SACM1L: variants seen among roughly 807,000 people sequenced by gnomAD.
SACM1L encodes SAC1 like phosphatidylinositide phosphatase, also known as phosphatidylinositol-3-phosphatase SAC1.
Under a neutral mutation model 89.5 loss-of-function variants are expected in SACM1L, and 32 were observed. The observed-to-expected ratio is 0.36, with a 90% CI of 0.27 to 0.48. The LOEUF is 0.48. Ranked by LOEUF, SACM1L falls within the 20% of genes least tolerant of loss-of-function variation. The pLI, the probability that SACM1L is intolerant of heterozygous loss-of-function variation, is 0.99. For missense variants in SACM1L, 543 were observed against 708.5 expected, an observed-to-expected ratio of 0.77 and a Z score of 2.65; for synonymous variants, 213 against 232.8, an observed-to-expected ratio of 0.92 and a Z score of 0.77.
chr3:45,706,104 T>C (rs1172734190), intron 3 of SACM1L, among the ~76,000 whole-genome samples: 1 of 152,194 alleles, frequency 6.6e-6, no homozygotes, highest in Non-Finnish European at 1.5e-5. Context: ...GAGAGACATG[T>C]ACATGGCAAA....
intron 7 of SACM1L, among the ~76,000 whole-genome samples, chr3:45,715,808 G>T (rs1311891765): frequency 6.6e-6 from 1 of 150,434 alleles, no homozygotes; most frequent in Non-Finnish European, 1.5e-5. Flanking sequence ...CTTATTTAGT[G>T]CCTTAAATGA....
chr3:45,699,468 A>AAATTAT (rs1698212226), intron 1 of SACM1L, among the ~76,000 whole-genome samples: 2 of 150,302 alleles, frequency 1.3e-5, no homozygotes, highest in Non-Finnish European at 3.0e-5. Flanking sequence ...TAAATTTTAT[A>AAATTAT]AAATTATAAA....
chr3:45,718,294 TAAA>T lies in SACM1L; in HGVS notation c.578-1194_578-1192del, dbSNP rs5848764. Among the ~76,000 whole-genome samples the T allele has an allele frequency of 8.1e-3, 1,201 of 148,262 alleles. 10 individuals carry two copies. Among genetic ancestry groups the T allele is most frequent in the African/African-American group, 0.021 (866 of 40,458 alleles). On this transcript the variant is annotated intron_variant, in intron 7 of 19. Transcript: ENST00000389061. ...ACATACAGATTAATTCCTGTTATGT[TAAA>T]AAAAAAAAAAAGTCAAAAGCTGTTC...
chr3:45,695,728 A>G (rs1698106173), intron 1 of SACM1L, among the ~76,000 whole-genome samples: 1 of 152,228 alleles, frequency 6.6e-6, no homozygotes, highest in African/African-American at 2.4e-5. Flanking sequence ...TTCAGGGGCA[A>G]TAAGCACATT....
intron 16 of SACM1L, 32 bp from the exon 17 acceptor site, chr3:45,738,546 C>T: frequency 3.7e-6 from 5 of 1,337,534 alleles, no homozygotes; most frequent in Middle Eastern, 2.2e-4. Context: ...AGTGTACAAA[C>T]CTGTAACTTA....
intron 7 of SACM1L, among the ~76,000 whole-genome samples, chr3:45,715,845 T>G (rs1391463388): frequency 6.6e-6 from 1 of 152,108 alleles, no homozygotes; most frequent in East Asian, 1.9e-4. Flanking sequence ...TGTTTTTTGT[T>G]TTTTGTTTTT....
chr3:45,690,664 G>T (rs1267122000), intron 1 of SACM1L, among the ~76,000 whole-genome samples: 2 of 152,184 alleles, frequency 1.3e-5, no homozygotes, highest in African/African-American at 4.8e-5. Flanking sequence ...CCCCCTGTGG[G>T]TGCCATTTCT....
At chr3:45,699,639 T>C (rs1698220045) in intron 1 of SACM1L, among the ~76,000 whole-genome samples, 1 of 152,166 alleles carries the variant, frequency 6.6e-6, no homozygotes, top group African/African-American at 2.4e-5. Flanking sequence ...GCAATTCTCC[T>C]GCCTTAGCCT....
rs1464166646 is a variant in SACM1L at position 45,744,899 on chromosome 3, A to G, written c.*1230A>G. ...ATATTTCAGTGTTGTGCTTGAAAAT[A>G]TGTACAGTTTTTTTCCAATATTAAT... On this transcript the variant is annotated 3_prime_UTR_variant, in exon 20 of 20. Transcript: ENST00000389061. 6.6e-6 allele frequency: 1 copy of G among 152,442 alleles called. No individual in the cohort carries two copies. Among genetic ancestry groups the G allele is most frequent in the Non-Finnish European group, 1.5e-5 (1 of 68,040 alleles). The allele number at this position is 152,442 out of a possible 1,614,324, so 9.4% of individuals were successfully genotyped here.
intron 5 of SACM1L, among the ~76,000 whole-genome samples, chr3:45,712,667 AGATTTGGTTCT>A (rs1698555335): frequency 6.6e-6 from 1 of 152,174 alleles, no homozygotes; most frequent in East Asian, 1.9e-4. Context: ...GGCCATGCAG[AGATTTGGTTCT>A]TTAGATGACA....
At chr3:45,712,680 T>C (rs1459021597) in intron 5 of SACM1L, among the ~76,000 whole-genome samples, 3 of 152,184 alleles carry the variant, frequency 2.0e-5, no homozygotes, top group Non-Finnish European at 2.9e-5. Context: ...TTTGGTTCTT[T>C]AGATGACAGA....
chr3:45,714,804 A>C (rs148480424), intron 7 of SACM1L, among the ~76,000 whole-genome samples: 1 of 152,346 alleles, frequency 6.6e-6, no homozygotes, highest in East Asian at 1.9e-4. Flanking sequence ...ATCATAATAA[A>C]AATAAAGCAG....
At chr3:45,729,452 A>G (rs150572501) in intron 11 of SACM1L, among the ~76,000 whole-genome samples, 268 of 152,320 alleles carry the variant, frequency 1.8e-3, no homozygotes, top group African/African-American at 6.1e-3. Flanking sequence ...TTCAACCTGA[A>G]GGACTCCCTT....
intron 13 of SACM1L, among the ~76,000 whole-genome samples, chr3:45,733,256 TC>T (rs768344036): frequency 1.1e-4 from 16 of 152,196 alleles, no homozygotes; most frequent in Admixed American, 2.6e-4. Context: ...GAGACTTTTT[TC>T]TAAGGGTTTT....
intron 11 of SACM1L, among the ~76,000 whole-genome samples, chr3:45,725,184 C>T (rs1575404329): frequency 6.6e-6 from 1 of 152,116 alleles, no homozygotes; most frequent in East Asian, 1.9e-4. Context: ...CTTGAGATTG[C>T]TTATGAATTT....
chr3:45,704,811 C>T (rs1054021556), intron 2 of SACM1L, among the ~76,000 whole-genome samples: 5 of 152,178 alleles, frequency 3.3e-5, no homozygotes, highest in African/African-American at 9.7e-5. Context: ...TACTGATGAG[C>T]GACTGACTTG....
Position 45,706,753 on chromosome 3 carries a change from T to G in SACM1L, c.206-27T>G, listed in dbSNP as rs369204611. On this transcript the variant is annotated intron_variant, in intron 3 of 19. Transcript: ENST00000389061. ...CCTTTAGAGTTACTATTTTTATAAT[T>G]ATGTGTGTTTGGCTTGCTTTTTGCA... is the stretch of plus-strand genomic sequence containing the variant. 36 of 1,557,362 alleles carry G rather than the reference T, an allele frequency of 2.3e-5. No individual in the cohort carries two copies. In the African/African-American group the frequency reaches 4.3e-4, roughly 18 times the overall value.
chr3:45,707,198 C>T (rs1698419246), intron 4 of SACM1L: 1 of 235,644 alleles, frequency 4.2e-6, no homozygotes, highest in Non-Finnish European at 8.2e-6. Flanking sequence ...AACTTCATAT[C>T]CTCTTTGTAA....
At chr3:45,738,740 A>G in intron 17 of SACM1L, 41 bp from the exon 18 acceptor site, 12 of 1,527,270 alleles carry the variant, frequency 7.9e-6, no homozygotes, top group Non-Finnish European at 1.1e-5. Context: ...CACTAATGTT[A>G]TCTCACACTG....
Sources: gnomAD v4.1 joint callset for allele counts (sites outside exome capture counted in the v4.1 genomes callset) on GRCh38, gnomAD v4.1.1 for gene constraint, MANE v1.5 for transcripts, NCBI Gene and HGNC (gene_info 2026-07-23, HGNC 2026-07-21) for gene names.